Variants in DPYSL5 observed in about 807,000 individuals in gnomAD.
The protein encoded by DPYSL5 is dihydropyrimidinase-related protein 5.
A neutral mutation model predicts 58.4 loss-of-function variants in DPYSL5; 9 were observed. The observed-to-expected ratio is 0.15, with a 90% CI of 0.09 to 0.27. DPYSL5 has a LOEUF of 0.27. Among genes scored for constraint, DPYSL5 ranks in the 10% least tolerant of loss-of-function variants. The pLI, the probability that DPYSL5 is intolerant of heterozygous loss-of-function variation, is 1.00. For missense variants in DPYSL5, 499 were observed against 770.6 expected (o/e 0.65, Z 4.17); for synonymous variants, 293 against 301.9 (o/e 0.97, Z 0.31).
intron 1 of DPYSL5, among the ~76,000 whole-genome samples, chr2:26,894,026 A>G (rs1663953887): frequency 6.7e-6 from 1 of 149,042 alleles, no homozygotes; most frequent in African/African-American, 2.4e-5. Flanking sequence ...TCCTTATTAG[A>G]ATTTATATTA....
chr2:26,894,795 A>T (rs958528628), intron 1 of DPYSL5, among the ~76,000 whole-genome samples: 1 of 152,194 alleles, frequency 6.6e-6, no homozygotes, highest in Non-Finnish European at 1.5e-5. Context: ...ACTTGCCTTC[A>T]GTCAGAGTTC....
At chr2:26,873,822 C>T (rs1343081492) in intron 1 of DPYSL5, among the ~76,000 whole-genome samples, 1 of 152,236 alleles carries the variant, frequency 6.6e-6, no homozygotes, top group Non-Finnish European at 1.5e-5. Context: ...ACTCGGTCTA[C>T]TGACTCAACT....
rs1484374521 is a variant in DPYSL5, at chr2:26,942,822, A to C, written c.1440+72A>C. Reference sequence around the variant, plus strand: ...GGGAACATCCTCCATGACTGTTTTAAATCTCAAAGAGATGTTCACTCCAGT... The same window carrying C: ...GGGAACATCCTCCATGACTGTTTTACATCTCAAAGAGATGTTCACTCCAGT... On this transcript the variant is annotated intron_variant, in intron 11 of 12. Transcript: ENST00000288699. This position sits in a 1 kb window ranked among gnomAD's most constrained non-coding sequence, Gnocchi z 5.9. 1.3e-6 allele frequency: 2 copies of C among 1,534,822 alleles called. No homozygotes were observed. The highest frequency in any genetic ancestry group is 1.7e-5 in the Admixed American group (1 of 57,212).
At chr2:26,864,540 C>A (rs1666095008) in intron 1 of DPYSL5, among the ~76,000 whole-genome samples, 1 of 152,222 alleles carries the variant, frequency 6.6e-6, no homozygotes. Context: ...GATGGAGGTG[C>A]TGGTCTTGAA....
At chr2:26,909,653 G>C (rs115371926) in intron 2 of DPYSL5, among the ~76,000 whole-genome samples, 44 of 152,132 alleles carry the variant, frequency 2.9e-4, no homozygotes, top group Admixed American at 5.2e-4. Flanking sequence ...TATAGACCTA[G>C]CTACTAGGGA....
At chr2:26,876,781 G>A (rs1358184498) in intron 1 of DPYSL5, among the ~76,000 whole-genome samples, 7 of 152,066 alleles carry the variant, frequency 4.6e-5, no homozygotes, top group Non-Finnish European at 1.0e-4. Context: ...CTCCCAAAGC[G>A]CTGGTATTAC....
intron 1 of DPYSL5, among the ~76,000 whole-genome samples, chr2:26,889,426 C>T (rs182628744): frequency 1.6e-4 from 25 of 152,180 alleles, no homozygotes; most frequent in East Asian, 1.2e-3. Flanking sequence ...CCAGCCACCA[C>T]GCCCGGCTAA....
intron 1 of DPYSL5, among the ~76,000 whole-genome samples, chr2:26,871,756 T>G (rs951024890): frequency 2.0e-5 from 3 of 152,198 alleles, no homozygotes; most frequent in African/African-American, 7.2e-5. Flanking sequence ...CATTACTTAA[T>G]TTTTTGAAAG....
At chr2:26,936,944 T>A (rs1665194369) in intron 8 of DPYSL5, among the ~76,000 whole-genome samples, 1 of 3,730 alleles carries the variant, frequency 2.7e-4, no homozygotes, top group African/African-American at 3.4e-4. Context: ...AAGACTTCAT[T>A]TAAAAAAAAA....
At chr2:26,936,180 A>G (rs148887567) in intron 8 of DPYSL5, among the ~76,000 whole-genome samples, 249 of 152,272 alleles carry the variant, frequency 1.6e-3, no homozygotes, top group African/African-American at 5.8e-3. Context: ...AGGACTCTCC[A>G]TCCTGCCAAC....
intron 2 of DPYSL5, among the ~76,000 whole-genome samples, chr2:26,907,100 T>TTTTA (rs35579476): frequency 0.37 from 55,075 of 149,690 alleles, 10,595 homozygotes; most frequent in Admixed American, 0.53. Flanking sequence ...ACATTTACAT[T>TTTTA]TTTATTTATT....
chr2:26,923,670 T>A (rs1290396307), intron 2 of DPYSL5, among the ~76,000 whole-genome samples: 2 of 152,180 alleles, frequency 1.3e-5, no homozygotes, highest in African/African-American at 2.4e-5. Context: ...TTAATTAATT[T>A]ATTTATTTTG....
chr2:26,947,241 T>A lies in DPYSL5; in HGVS notation c.*246T>A. 2.1e-6 allele frequency: 1 copy of A among 474,368 alleles called. No individual in the cohort carries two copies. Among genetic ancestry groups the A allele is most frequent in the Non-Finnish European group, 3.9e-6 (1 of 258,178 alleles). 29.4% of individuals were successfully genotyped at this position (474,368 alleles called of 1,614,324 possible). A position where few individuals can be genotyped will look rare whatever the true frequency, so the allele number is the denominator to read the frequency against. On this transcript the variant is annotated 3_prime_UTR_variant, in exon 13 of 13. Coordinates refer to ENST00000288699, the MANE Select transcript of DPYSL5 (RefSeq NM_020134.4). This position sits in a 1 kb window ranked among gnomAD's most constrained non-coding sequence, Gnocchi z 4.2. ...CTGCCTTGGCCTCGGCGGGCTTTTC[T>A]GGGGCCCAGGAAGCCCACACTATGC... is the stretch of plus-strand genomic sequence containing the variant.
At chr2:26,941,355 A>G (rs1665317872) in intron 9 of DPYSL5, among the ~76,000 whole-genome samples, 1 of 152,344 alleles carries the variant, frequency 6.6e-6, no homozygotes, top group Non-Finnish European at 1.5e-5. Flanking sequence ...AATTGCTTTC[A>G]GAAAAGATAA....
chr2:26,871,480 T>C lies in DPYSL5; in HGVS notation c.-5+23226T>C, dbSNP rs1186327883. Among the ~76,000 whole-genome samples, 4 of 152,218 alleles carry C rather than the reference T, an allele frequency of 2.6e-5. No individual in the cohort carries two copies. In the East Asian group the frequency reaches 7.7e-4, roughly 29 times the overall value. On this transcript the variant is annotated intron_variant, in intron 1 of 12. Coordinates refer to ENST00000288699, the MANE Select transcript of DPYSL5 (RefSeq NM_020134.4). Reference sequence around the variant, plus strand: ...TTGTTTGAGATGGAGTCTTGCTCTGTCGCCCAGGTTGGAGTGCAGTGGTGC... The same window carrying C: ...TTGTTTGAGATGGAGTCTTGCTCTGCCGCCCAGGTTGGAGTGCAGTGGTGC...
At chr2:26,907,832 A>G (rs1312825719) in intron 2 of DPYSL5, among the ~76,000 whole-genome samples, 1 of 152,150 alleles carries the variant, frequency 6.6e-6, no homozygotes, top group Non-Finnish European at 1.5e-5. Flanking sequence ...TTGTTTCTCA[A>G]CAAGATTGAA....
chr2:26,915,575 C>T (rs528226274), intron 2 of DPYSL5, among the ~76,000 whole-genome samples: 26 of 152,274 alleles, frequency 1.7e-4, no homozygotes, highest in African/African-American at 5.5e-4. Context: ...GCTTTCTGTG[C>T]CCCAGCTCCT....
At chr2:26,919,215 A>G (rs1242311094) in intron 2 of DPYSL5, among the ~76,000 whole-genome samples, 11 of 152,188 alleles carry the variant, frequency 7.2e-5, no homozygotes, top group Non-Finnish European at 1.6e-4. Context: ...GACCCCCATG[A>G]GCCCCACGGT....
At chr2:26,921,876 G>GCA (rs2148155737) in intron 2 of DPYSL5, among the ~76,000 whole-genome samples, 1 of 152,252 alleles carries the variant, frequency 6.6e-6, no homozygotes, top group Admixed American at 6.5e-5. Flanking sequence ...AGGTCAGGGG[G>GCA]CACGTGGCTG....
Sources: gnomAD v4.1 joint callset for allele counts (sites outside exome capture counted in the v4.1 genomes callset) on GRCh38, gnomAD v4.1.1 for gene constraint, Gnocchi (gnomAD v3.1) non-coding constraint, MANE v1.5 for transcripts, NCBI Gene and HGNC (gene_info 2026-07-23, HGNC 2026-07-21) for gene names.